Variants in SOX6 observed in about 807,000 individuals in gnomAD.
SOX6 encodes the protein transcription factor SOX-6.
SOX6 carries 11 observed loss-of-function variants against 97.8 expected under a neutral mutation model. The observed-to-expected ratio is 0.11, with a 90% confidence interval of 0.07 to 0.19. SOX6 has a LOEUF of 0.19. Among genes scored for constraint, SOX6 ranks in the 10% least tolerant of loss-of-function variants. SOX6 has a pLI of 1.00. For synonymous variants in SOX6, 360 were observed against 371.4 expected (o/e 0.97, Z 0.35); for missense variants, 810 against 1,039.5 (o/e 0.78, Z 3.04).
At chr11:16,642,877 G>C (rs1848943014) in intron 3 of SOX6, among the ~76,000 whole-genome samples, 2 of 152,266 alleles carry the variant, frequency 1.3e-5, no homozygotes, top group South Asian at 4.2e-4. Flanking sequence ...CTTTAGCTCA[G>C]AGAAGTTTGA....
intron 4 of SOX6, among the ~76,000 whole-genome samples, chr11:16,583,198 C>T (rs938632381): frequency 1.3e-5 from 2 of 151,896 alleles, no homozygotes; most frequent in Non-Finnish European, 2.9e-5. Flanking sequence ...TTGCAAGGTA[C>T]ATAGTGATAT....
rs999623230 is a variant in SOX6, at chr11:16,053,196, T to C, written c.1251+2556A>G. ...TTCCAATAGTGAGCTGCAAAAATTGTAGTGCCTGCCTCACTTGTTTCTCTT... is the reference window on the plus strand; with the variant it reads ...TTCCAATAGTGAGCTGCAAAAATTGCAGTGCCTGCCTCACTTGTTTCTCTT... On this transcript the variant is annotated intron_variant, in intron 10 of 15. Coordinates refer to ENST00000683767, the MANE Select transcript of SOX6 (RefSeq NM_001367873.1). 2.6e-5 allele frequency among the ~76,000 whole-genome samples: 4 copies of C among 152,166 alleles called. No individual in the cohort carries two copies. In the East Asian group the frequency reaches 7.7e-4, roughly 29 times the overall value.
At chr11:16,440,254 G>C (rs1175132002) in intron 1 of SOX6, among the ~76,000 whole-genome samples, 1 of 152,126 alleles carries the variant, frequency 6.6e-6, no homozygotes, top group East Asian at 1.9e-4. Flanking sequence ...CGGATTTGCC[G>C]TTCACACTGG....
intron 3 of SOX6, chr11:16,311,422 A>G (rs1189310753): frequency 6.6e-6 from 1 of 152,156 alleles, no homozygotes; most frequent in Non-Finnish European, 1.5e-5. Flanking sequence ...ACTGAAGCAC[A>G]AAGAGATTAA....
In SOX6 at chr11:16,645,169, C is replaced by T. The variant is rs574758939; in HGVS notation, n.430-32909G>A. Among the ~76,000 whole-genome samples the T allele has an allele frequency of 9.2e-5, 14 of 152,280 alleles. 1 individual carries two copies. The South Asian group carries it at 2.7e-3, about 29-fold the overall frequency. On this transcript the variant is annotated intron_variant and non_coding_transcript_variant, in intron 3 of 5. Coordinates refer to the SOX6 transcript ENST00000524520. ...CTGTTTTCCTTTTCATCCCAGCTTT[C>T]AATCAAATTTTTTTTCTGTATTTTA...
At chr11:16,301,198 A>G (rs1446457081) in intron 3 of SOX6, among the ~76,000 whole-genome samples, 1 of 152,202 alleles carries the variant, frequency 6.6e-6, no homozygotes, top group African/African-American at 2.4e-5. Flanking sequence ...GGTAATATCT[A>G]TTACTCCTTG....
chr11:16,627,482 A>G (rs1848638281), intron 3 of SOX6, among the ~76,000 whole-genome samples: 1 of 152,218 alleles, frequency 6.6e-6, no homozygotes, highest in African/African-American at 2.4e-5. Context: ...ACTTTTTAAT[A>G]ATAGCCATTC....
intron 1 of SOX6, among the ~76,000 whole-genome samples, chr11:16,454,708 G>T (rs916840620): frequency 6.6e-6 from 1 of 152,050 alleles, no homozygotes; most frequent in African/African-American, 2.4e-5. Flanking sequence ...GAAAACAGAA[G>T]TGGAAAGAAA....
At chr11:16,056,839 T>C (rs1847827397) in intron 9 of SOX6, among the ~76,000 whole-genome samples, 2 of 152,172 alleles carry the variant, frequency 1.3e-5, no homozygotes, top group South Asian at 4.1e-4. Context: ...TTTCACTAAA[T>C]TAAAGCCAAA....
rs1272638821 is a variant in SOX6 at position 15,970,466 on chromosome 11, GC to G, written c.*2342del. On this transcript the variant is annotated 3_prime_UTR_variant, in exon 16 of 16. Coordinates refer to ENST00000683767, the MANE Select transcript of SOX6 (RefSeq NM_001367873.1). Reference sequence around the variant, plus strand: ...AAGAAAGAAGTGAGAGAGAGCAAAAGCAAAAGCCAAAGAGAAAGAAAAAAAA... The same window carrying G: ...AAGAAAGAAGTGAGAGAGAGCAAAAGAAAAGCCAAAGAGAAAGAAAAAAAA... 6 of 152,482 alleles carry G rather than the reference GC, an allele frequency of 3.9e-5. No individual in the cohort carries two copies. In the East Asian group the frequency reaches 1.2e-3, roughly 29 times the overall value. 9.4% of individuals were successfully genotyped at this position (152,482 alleles called of 1,614,324 possible). A position where few individuals can be genotyped will look rare whatever the true frequency, so the allele number is the denominator to read the frequency against.
chr11:16,458,889 T>G (rs770775904), intron 1 of SOX6, among the ~76,000 whole-genome samples: 3 of 151,990 alleles, frequency 2.0e-5, no homozygotes, highest in Non-Finnish European at 4.4e-5. Context: ...TCTAATAACT[T>G]CAGTGAGTTA....
intron 13 of SOX6, among the ~76,000 whole-genome samples, chr11:16,013,370 G>T (rs1218304716): frequency 6.6e-6 from 1 of 151,928 alleles, no homozygotes; most frequent in African/African-American, 2.4e-5. Flanking sequence ...AGGCTTTTAG[G>T]CCAGCCACAA....
intron 3 of SOX6, among the ~76,000 whole-genome samples, chr11:16,251,156 T>A (rs1225840587): frequency 6.6e-6 from 1 of 152,114 alleles, no homozygotes; most frequent in African/African-American, 2.4e-5. Flanking sequence ...TTATTAGAAC[T>A]TTAAATTAGT....
chr11:16,009,463 T>C (rs1854648004), intron 13 of SOX6, among the ~76,000 whole-genome samples: 1 of 151,966 alleles, frequency 6.6e-6, no homozygotes, highest in Non-Finnish European at 1.5e-5. Flanking sequence ...AATCAAGAAA[T>C]GATAAGTTTT....
At chr11:16,660,353 C>T (rs1847757027) in intron 3 of SOX6, among the ~76,000 whole-genome samples, 1 of 151,900 alleles carries the variant, frequency 6.6e-6, no homozygotes, top group African/African-American at 2.4e-5. Context: ...ATTCTTTGAC[C>T]CATGTGTTAT....
intron 3 of SOX6, among the ~76,000 whole-genome samples, chr11:16,689,016 C>T (rs907908719): frequency 6.6e-6 from 1 of 152,192 alleles, no homozygotes; most frequent in Non-Finnish European, 1.5e-5. Context: ...AGGCCAACCA[C>T]TTCTGAGTTT....
At chr11:16,120,561 CATAT>C (rs71455877) in intron 6 of SOX6, among the ~76,000 whole-genome samples, 10 of 145,014 alleles carry the variant, frequency 6.9e-5, no homozygotes, top group African/African-American at 2.0e-4. Flanking sequence ...GCTAACTTCA[CATAT>C]ATATATATAT....
intron 6 of SOX6, among the ~76,000 whole-genome samples, chr11:16,131,455 G>T (rs1055286590): frequency 1.3e-5 from 2 of 152,054 alleles, no homozygotes; most frequent in African/African-American, 4.8e-5. Flanking sequence ...ATAATGCCAA[G>T]TGTTGGTGAG....
intron 7 of SOX6, among the ~76,000 whole-genome samples, chr11:16,100,573 C>A (rs956410083): frequency 6.6e-6 from 1 of 151,550 alleles, no homozygotes; most frequent in Non-Finnish European, 1.5e-5. Context: ...CAGCAAGAGT[C>A]CCTAAATGAG....
Sources: gnomAD v4.1 joint callset for allele counts (sites outside exome capture counted in the v4.1 genomes callset) on GRCh38, gnomAD v4.1.1 for gene constraint, MANE v1.5 for transcripts, NCBI Gene and HGNC (gene_info 2026-07-23, HGNC 2026-07-21) for gene names.